The following HNRNPD variants were observed in gnomAD, a reference collection of about 807,000 sequenced individuals.
The protein encoded by HNRNPD is heterogeneous nuclear ribonucleoprotein D, also known as heterogeneous nuclear ribonucleoprotein D0.
A neutral mutation model predicts 47.9 loss-of-function variants in HNRNPD; 3 were observed. The observed-to-expected ratio is 0.06, with a 90% CI of 0.03 to 0.16. HNRNPD has a LOEUF of 0.16. Ranked by LOEUF, HNRNPD falls within the 10% of genes least tolerant of loss-of-function variation. HNRNPD has a pLI of 1.00. For synonymous variants in HNRNPD, 171 were observed against 165.1 expected (o/e 1.04, Z -0.28); for missense variants, 287 against 454.2 (o/e 0.63, Z 3.35).
intron 7 of HNRNPD, chr4:82,355,679 G>A (rs1389512775): frequency 4.6e-6 from 2 of 433,726 alleles, no homozygotes; most frequent in South Asian, 4.4e-5. Flanking sequence ...TTCAAAGGAT[G>A]GACAGCTGAC....
In HNRNPD at chr4:82,373,835, C is replaced by A; in HGVS notation, c.-157G>T. 1 of 1,463,144 alleles carries A rather than the reference C, an allele frequency of 6.8e-7. No homozygotes were observed. Among genetic ancestry groups the A allele is most frequent in the Non-Finnish European group, 9.1e-7 (1 of 1,104,886 alleles). The allele number at this position is 1,463,144 out of a possible 1,614,324, so 90.6% of individuals were successfully genotyped here. On this transcript the variant is annotated 5_prime_UTR_variant, in exon 1 of 9. Coordinates refer to ENST00000313899, the MANE Select transcript of HNRNPD (RefSeq NM_031370.3). ...GCGCGCGTGGCTGCAAAGGCTCCTG[C>A]GCCTCTCCCTGGCCTGCCCCCTTCG...
At chr4:82,370,288 TAGC>T (rs1425270013) in intron 2 of HNRNPD, among the ~76,000 whole-genome samples, 1 of 152,220 alleles carries the variant, frequency 6.6e-6, no homozygotes, top group East Asian at 1.9e-4. Context: ...TCGTTTTAGG[TAGC>T]AGGTCAAGTG....
chr4:82,366,882 G>T (rs1217591657), intron 2 of HNRNPD, among the ~76,000 whole-genome samples: 3 of 152,038 alleles, frequency 2.0e-5, no homozygotes, highest in African/African-American at 4.8e-5. Flanking sequence ...CACTTTAAGA[G>T]ACCAGGTCTC....
rs905908296 is a variant in HNRNPD at position 82,353,395 on chromosome 4, C to A, written c.*790G>T. The A allele has an allele frequency of 7.2e-5, 11 of 152,194 alleles. No individual in the cohort carries two copies. Among genetic ancestry groups the A allele is most frequent in the Non-Finnish European group, 1.5e-5 (1 of 68,004 alleles). 9.4% of individuals were successfully genotyped at this position (152,194 alleles called of 1,614,324 possible). On this transcript the variant is annotated 3_prime_UTR_variant, in exon 9 of 9. Coordinates refer to ENST00000313899, the MANE Select transcript of HNRNPD (RefSeq NM_031370.3). ...TTCATCTATGAAGTCCACCACAGCT[C>A]TAAAAATCTCTCTGAACTAGCCGCA...
intron 2 of HNRNPD, among the ~76,000 whole-genome samples, chr4:82,366,487 G>A (rs961129106): frequency 2.0e-5 from 3 of 151,982 alleles, no homozygotes; most frequent in Admixed American, 1.3e-4. Context: ...CAGGTGATTC[G>A]CTTGCGTCAG....
chr4:82,357,222 C>T (rs1193817041), intron 5 of HNRNPD, 91 bp downstream of exon 5: 1 of 1,383,000 alleles, frequency 7.2e-7, no homozygotes, highest in Admixed American at 2.5e-5. Flanking sequence ...TTAAAGCATG[C>T]AAAGAACTTA....
chr4:82,355,627 G>A, intron 7 of HNRNPD: 1 of 549,526 alleles, frequency 1.8e-6, no homozygotes, highest in South Asian at 2.6e-5. Flanking sequence ...TGTATAAAAT[G>A]GGAGACAATC....
intron 2 of HNRNPD, among the ~76,000 whole-genome samples, chr4:82,364,152 C>T (rs985763982): frequency 2.0e-5 from 3 of 151,988 alleles, no homozygotes; most frequent in Non-Finnish European, 4.4e-5. Context: ...AATATTTTTG[C>T]AGAGATCAGG....
chr4:82,366,404 C>T (rs1056845919), intron 2 of HNRNPD, among the ~76,000 whole-genome samples: 60 of 151,824 alleles, frequency 4.0e-4, no homozygotes, highest in Non-Finnish European at 6.0e-4. Context: ...CCATCATGCC[C>T]GGCTAATTTC....
intron 4 of HNRNPD, 31 bp downstream of exon 4, chr4:82,358,628 C>T (rs1204580886): frequency 1.9e-6 from 3 of 1,584,296 alleles, no homozygotes; most frequent in Admixed American, 1.9e-5. Flanking sequence ...CTAATTTTGA[C>T]ATAAACTGGG....
chr4:82,369,448 G>GA (rs1046335653), intron 2 of HNRNPD, among the ~76,000 whole-genome samples: 3 of 151,932 alleles, frequency 2.0e-5, no homozygotes, highest in African/African-American at 7.2e-5. Flanking sequence ...CATGCAAAAG[G>GA]AAAAAAACCT....
rs1371850116 is a variant in HNRNPD at position 82,370,549 on chromosome 4, CT to C, written c.290+978del. Among the ~76,000 whole-genome samples, 32 of 151,742 alleles carry C rather than the reference CT, an allele frequency of 2.1e-4. No individual in the cohort carries two copies. In the South Asian group the frequency reaches 6.7e-3, roughly 32 times the overall value. The stretch of plus-strand genomic sequence containing the variant: ...AGTCTTTTTTTTTTCCTCTTTTTTG[CT>C]TTTCCCCTTGCCTGTTTCCCATCTG... On this transcript the variant is annotated intron_variant, in intron 2 of 8. Coordinates refer to ENST00000313899, the MANE Select transcript of HNRNPD (RefSeq NM_031370.3).
At chr4:82,354,445 G>C (rs1723633566) in intron 8 of HNRNPD, 1 of 152,540 alleles carries the variant, frequency 6.6e-6, no homozygotes, top group South Asian at 2.1e-4. Flanking sequence ...TTGGTAAAAG[G>C]ACATTTTGAC....
In HNRNPD at chr4:82,373,499, G is replaced by A. The variant is rs1720228932; in HGVS notation, c.180C>T (p.Ser60=). Reference sequence around the variant, plus strand: ...CAATCTTCGCCCCCTCCGACTCGGCGCTGCCCCCTTCGGTGCCTCCAGACG... The same window carrying A: ...CAATCTTCGCCCCCTCCGACTCGGCACTGCCCCCTTCGGTGCCTCCAGACG... The part of the protein sequence containing the change: ...GTASGGTEGG[S]AESEGAKIDA... Residue 60 remains serine, a synonymous_variant, in exon 1 of 9, where the codon AGC becomes AGT. Transcript: ENST00000313899. 3 of 1,550,118 alleles carry A rather than the reference G, an allele frequency of 1.9e-6. No homozygotes were observed. Among genetic ancestry groups the A allele is most frequent in the African/African-American group, 1.4e-5 (1 of 72,744 alleles).
rs564504661 is a variant in HNRNPD, at chr4:82,369,595, C to T, written c.290+1933G>A. Among the ~76,000 whole-genome samples, 5 of 151,670 alleles carry T rather than the reference C, an allele frequency of 3.3e-5. No individual in the cohort carries two copies. In the South Asian group the frequency reaches 8.3e-4, roughly 25 times the overall value. ...GGATACTCTATTAACCAGTCTTACCCTCAATATTGAGACTATAAAACTGTT... is the reference window on the plus strand; with the variant it reads ...GGATACTCTATTAACCAGTCTTACCTTCAATATTGAGACTATAAAACTGTT... On this transcript the variant is annotated intron_variant, in intron 2 of 8. Transcript: ENST00000313899.
chr4:82,364,006 T>TC (rs1210572867), intron 2 of HNRNPD, among the ~76,000 whole-genome samples: 1 of 152,184 alleles, frequency 6.6e-6, no homozygotes, highest in African/African-American at 2.4e-5. Flanking sequence ...AGACAGGGTC[T>TC]CACTCTGTCT....
rs1042550760 is a variant in HNRNPD at position 82,357,218 on chromosome 4, C to T, written c.753+95G>A. On this transcript the variant is annotated intron_variant, in intron 5 of 8. Transcript: ENST00000313899. ...AGTAACCAATGAGAAGTTTTTAAAG[C>T]ATGCAAAGAACTTAAGCCTTTACAG... 6.7e-6 allele frequency: 9 copies of T among 1,348,934 alleles called. No homozygotes were observed. In the Middle Eastern group the frequency reaches 1.3e-3, roughly 196 times the overall value. 83.6% of individuals were successfully genotyped at this position (1,348,934 alleles called of 1,614,324 possible).
At chr4:82,373,233 G>C in intron 1 of HNRNPD, 1 of 736,140 alleles carries the variant, frequency 1.4e-6, no homozygotes, top group South Asian at 1.5e-5. Flanking sequence ...AGGTGGAAAC[G>C]TGTGTGATGG....
chr4:82,359,140 AAAT>A (rs1267399236), intron 3 of HNRNPD, among the ~76,000 whole-genome samples: 4 of 152,204 alleles, frequency 2.6e-5, no homozygotes, highest in African/African-American at 4.8e-5. Flanking sequence ...CCCAGGATCA[AAAT>A]AATGATTCAG....
Sources: allele counts gnomAD v4.1 joint callset (sites outside exome capture counted in the v4.1 genomes callset), GRCh38; gene constraint gnomAD v4.1.1; transcripts MANE v1.5; gene names NCBI Gene and HGNC (gene_info 2026-07-23, HGNC 2026-07-21).